Variants in WIPF3 observed in about 807,000 individuals in gnomAD.
WIPF3 encodes WAS/WASL interacting protein family member 3.
In WIPF3, 33 loss-of-function variants were observed where a neutral mutation model predicts 38.9. The observed-to-expected ratio is 0.85, with a 90% CI of 0.64 to 1.14. The LOEUF (loss-of-function observed/expected upper bound fraction) is 1.14. WIPF3 is among the 50% of genes most tolerant of loss of function. The probability of loss-of-function intolerance (pLI) is 0.00; values close to 1 mark genes in which losing one functional copy is unlikely to be tolerated. For missense variants in WIPF3, 711 were observed against 652.5 expected (o/e 1.09, Z -0.98); for synonymous variants, 324 against 269.3 (o/e 1.20, Z -1.99).
chr7:29,893,957 A>G (rs1337679977), intron 7 of WIPF3, among the ~76,000 whole-genome samples: 1 of 152,208 alleles, frequency 6.6e-6, no homozygotes, highest in African/African-American at 2.4e-5. Context: ...CTCGATTACA[A>G]CTACTCAATT....
At chr7:29,860,347 G>T (rs1221622332) in intron 2 of WIPF3, among the ~76,000 whole-genome samples, 1 of 152,092 alleles carries the variant, frequency 6.6e-6, no homozygotes, top group African/African-American at 2.4e-5. Context: ...GGGTCATGGG[G>T]ACAGCTCCCC....
At chr7:29,840,910 C>T (rs1054657761) in intron 2 of WIPF3, among the ~76,000 whole-genome samples, 2 of 152,070 alleles carry the variant, frequency 1.3e-5, no homozygotes, top group African/African-American at 4.8e-5. Flanking sequence ...CGGACATACC[C>T]TGGTGGTTGG....
At chr7:29,909,870 T>C (rs1238079758) in intron 8 of WIPF3, among the ~76,000 whole-genome samples, 3 of 148,950 alleles carry the variant, frequency 2.0e-5, no homozygotes, top group Non-Finnish European at 3.0e-5. Flanking sequence ...CACTACACCC[T>C]GGGTGACAGA....
intron 2 of WIPF3, among the ~76,000 whole-genome samples, chr7:29,863,595 T>C (rs1293919773): frequency 6.6e-6 from 1 of 152,230 alleles, no homozygotes; most frequent in Non-Finnish European, 1.5e-5. Context: ...AGCATGTCTA[T>C]ATCTATTTTC....
intron 1 of WIPF3, among the ~76,000 whole-genome samples, chr7:29,821,066 G>A (rs1583590451): frequency 1.3e-5 from 2 of 152,074 alleles, no homozygotes; most frequent in African/African-American, 4.8e-5. Flanking sequence ...CTCTTGATTA[G>A]CTGACATTTT....
chr7:29,907,026 G>T (rs963131921), intron 8 of WIPF3, among the ~76,000 whole-genome samples: 5 of 152,212 alleles, frequency 3.3e-5, no homozygotes, highest in Non-Finnish European at 7.3e-5. Flanking sequence ...ACCCAAGGGA[G>T]TCCTAAAGGG....
intron 1 of WIPF3, among the ~76,000 whole-genome samples, chr7:29,830,593 C>CT (rs1214397989): frequency 1.4e-5 from 2 of 145,766 alleles, no homozygotes; most frequent in Admixed American, 1.4e-4. Context: ...GCACTCCAGG[C>CT]TGGGTGACAG....
At chr7:29,883,741 T>C in intron 4 of WIPF3, 109 bp from the exon 5 acceptor site, 1 of 1,415,062 alleles carries the variant, frequency 7.1e-7, no homozygotes, top group Non-Finnish European at 9.2e-7. Context: ...AAAAGCGGTC[T>C]ACAGTGCAGC....
In WIPF3 at chr7:29,878,685, A is replaced by G. The variant is rs62457632; in HGVS notation, c.224-324A>G. 0.039 allele frequency among the ~76,000 whole-genome samples: 5,877 copies of G among 152,294 alleles called. 117 individuals carry two copies. Among genetic ancestry groups the G allele is most frequent in the South Asian group, 0.054 (262 of 4,824 alleles). On this transcript the variant is annotated intron_variant, in intron 3 of 8. Transcript: ENST00000242140. The surrounding 1 kb of genome is among the most constrained non-coding windows in gnomAD (Gnocchi z 4.0). ...ACACCTACCACATTTGGGTTTTCTA[A>G]TTCGAAGGTGCTGCCAGTTGCTCTG...
intron 1 of WIPF3, among the ~76,000 whole-genome samples, chr7:29,817,751 G>A (rs902821202): frequency 6.6e-6 from 1 of 151,922 alleles, no homozygotes; most frequent in Non-Finnish European, 1.5e-5. Flanking sequence ...AATGAATATG[G>A]CTTTATTATT....
chr7:29,903,073 A>C (rs1311914707), intron 7 of WIPF3, among the ~76,000 whole-genome samples: 2 of 152,108 alleles, frequency 1.3e-5, no homozygotes, highest in Non-Finnish European at 2.9e-5. Context: ...CGGGAGGATC[A>C]CTCGAGTCTG....
intron 8 of WIPF3, among the ~76,000 whole-genome samples, chr7:29,912,216 T>C (rs1409715950): frequency 6.6e-6 from 1 of 152,080 alleles, no homozygotes; most frequent in Non-Finnish European, 1.5e-5. Flanking sequence ...AAAATCAAAA[T>C]TACAATGAGA....
At chr7:29,909,134 G>C (rs1305160156) in intron 8 of WIPF3, among the ~76,000 whole-genome samples, 1 of 152,038 alleles carries the variant, frequency 6.6e-6, no homozygotes, top group Admixed American at 6.6e-5. Context: ...AAAATTTATG[G>C]AACACTGAAA....
At chr7:29,872,464 C>T (rs1026544797) in intron 2 of WIPF3, among the ~76,000 whole-genome samples, 2 of 151,986 alleles carry the variant, frequency 1.3e-5, no homozygotes, top group African/African-American at 2.4e-5. Flanking sequence ...TCCTTCCTGC[C>T]GCACAGGAGA....
At chr7:29,907,840 A>G (rs971720221) in intron 8 of WIPF3, among the ~76,000 whole-genome samples, 7 of 152,236 alleles carry the variant, frequency 4.6e-5, no homozygotes, top group Non-Finnish European at 4.4e-5. Context: ...CTAAGACACC[A>G]TGGTAACCAC....
intron 1 of WIPF3, among the ~76,000 whole-genome samples, chr7:29,829,749 C>T (rs1227941124): frequency 1.3e-5 from 2 of 152,178 alleles, no homozygotes; most frequent in African/African-American, 4.8e-5. Flanking sequence ...GGAAGCGGAA[C>T]CTGGGGCCGC....
At chr7:29,852,374 C>A (rs1191324194) in intron 2 of WIPF3, among the ~76,000 whole-genome samples, 1 of 152,192 alleles carries the variant, frequency 6.6e-6, no homozygotes, top group Non-Finnish European at 1.5e-5. Context: ...GTAGAAGGTG[C>A]CATGACCATA....
Position 29,884,395 on chromosome 7 carries a change from T to G in WIPF3, c.901T>G (p.Ser301Ala). 7.9e-7 allele frequency: 1 copy of G among 1,258,060 alleles called. No individual in the cohort carries two copies. Among genetic ancestry groups the G allele is most frequent in the Non-Finnish European group, 1.0e-6 (1 of 952,986 alleles). 77.9% of individuals were successfully genotyped at this position (1,258,060 alleles called of 1,614,324 possible). ...GCCGCCCCCGCTCCCCCCTTATGCTTCTTGCTCCCCGAGGGCTTCTTTGCC... is the reference window on the plus strand; with the variant it reads ...GCCGCCCCCGCTCCCCCCTTATGCTGCTTGCTCCCCGAGGGCTTCTTTGCC... ...APPPPLPPYA[S>A]CSPRASLPAP... is the part of the protein sequence containing the mutation. Residue 301 changes from serine to alanine, a missense_variant, in exon 5 of 9, where the codon TCT (serine) becomes GCT (alanine). Transcript: ENST00000242140.
At chr7:29,813,113 G>T (rs1040940004) in intron 1 of WIPF3, among the ~76,000 whole-genome samples, 1 of 152,094 alleles carries the variant, frequency 6.6e-6, no homozygotes, top group Non-Finnish European at 1.5e-5. Flanking sequence ...AGGACCCAAG[G>T]GGTCACCCCA....
Sources: allele counts gnomAD v4.1 joint callset (sites outside exome capture counted in the v4.1 genomes callset), GRCh38; gene constraint gnomAD v4.1.1; non-coding constraint Gnocchi (gnomAD v3.1); transcripts MANE v1.5; gene names NCBI Gene and HGNC (gene_info 2026-07-23, HGNC 2026-07-21).